Variants in HIBCH observed in about 807,000 individuals in gnomAD.
The protein encoded by HIBCH is 3-hydroxyisobutyryl-CoA hydrolase, mitochondrial.
A neutral mutation model predicts 58.2 loss-of-function variants in HIBCH; 50 were observed. The ratio of observed to expected loss-of-function variants is 0.86; its 90% confidence interval spans 0.68 to 1.09. HIBCH has a LOEUF of 1.09. Among genes scored for constraint, HIBCH ranks in the 50% least tolerant of loss-of-function variants. The pLI, the probability that HIBCH is intolerant of heterozygous loss-of-function variation, is 0.00. For synonymous variants in HIBCH, 151 were observed against 146.9 expected (o/e 1.03, Z -0.20); for missense variants, 450 against 449.7 (o/e 1.00, Z -0.01).
rs975648218 is a variant in HIBCH, at chr2:190,217,399, GCT to G, written c.892-4326_892-4325del. Reference sequence around the variant, plus strand: ...CTTGGGAGGCTGAGGCAGGAGAATAGCTTGAACCCAGGAGATGGAGGTTGCAG... The same window carrying G: ...CTTGGGAGGCTGAGGCAGGAGAATAGTGAACCCAGGAGATGGAGGTTGCAG... On this transcript the variant is annotated intron_variant, in intron 11 of 13. Coordinates refer to ENST00000359678, the MANE Select transcript of HIBCH (RefSeq NM_014362.4). The surrounding 1 kb of genome is among the most constrained non-coding windows in gnomAD (Gnocchi z 4.6). 6.6e-6 allele frequency among the ~76,000 whole-genome samples: 1 copy of G among 152,114 alleles called. No individual in the cohort carries two copies. Among genetic ancestry groups the G allele is most frequent in the Admixed American group, 6.5e-5 (1 of 15,276 alleles).
intron 11 of HIBCH, among the ~76,000 whole-genome samples, chr2:190,222,949 G>T (rs1440029350): frequency 1.3e-5 from 2 of 152,168 alleles, no homozygotes; most frequent in African/African-American, 4.8e-5. Flanking sequence ...CCATAAAAAA[G>T]GATAAGTTCA....
At chr2:190,308,171 G>A (rs1027829838) in intron 2 of HIBCH, among the ~76,000 whole-genome samples, 11 of 152,130 alleles carry the variant, frequency 7.2e-5, no homozygotes, top group African/African-American at 2.7e-4. Context: ...CTTCCTTCCA[G>A]GTGTCTTCTG....
At chr2:190,212,383 C>T (rs1215138435) in intron 12 of HIBCH, among the ~76,000 whole-genome samples, 6 of 152,284 alleles carry the variant, frequency 3.9e-5, no homozygotes, top group African/African-American at 1.4e-4. Flanking sequence ...TAAGGGTCCT[C>T]TGAACATAAA....
Position 190,207,352 on chromosome 2 carries a change from T to A in HIBCH, c.1045+1528A>T, listed in dbSNP as rs535545713. Among the ~76,000 whole-genome samples, 1 of 152,310 alleles carries A rather than the reference T, an allele frequency of 6.6e-6. No individual in the cohort carries two copies. The highest frequency in any genetic ancestry group is 6.5e-5 in the Admixed American group (1 of 15,290). On this transcript the variant is annotated intron_variant, in intron 13 of 13. Coordinates refer to ENST00000359678, the MANE Select transcript of HIBCH (RefSeq NM_014362.4). The surrounding 1 kb of genome is among the most constrained non-coding windows in gnomAD (Gnocchi z 4.5). ...TCAGAGTTCTAGGCTGTAATCCACA[T>A]GCAGCAAGAATTTGCAGAGAATTTG...
chr2:190,288,365 A>G (rs1436292538), intron 5 of HIBCH, among the ~76,000 whole-genome samples: 1 of 151,630 alleles, frequency 6.6e-6, no homozygotes, highest in African/African-American at 2.4e-5. Context: ...AAGAAAAAAG[A>G]CATGTAGAAA....
At chr2:190,219,909 G>T (rs1322030488) in intron 11 of HIBCH, among the ~76,000 whole-genome samples, 3 of 152,196 alleles carry the variant, frequency 2.0e-5, no homozygotes, top group Admixed American at 2.0e-4. Flanking sequence ...GAAGATGAAG[G>T]AGTAGAAATA....
intron 2 of HIBCH, among the ~76,000 whole-genome samples, chr2:190,303,222 T>C (rs1032504359): frequency 2.0e-5 from 3 of 152,178 alleles, no homozygotes; most frequent in Non-Finnish European, 2.9e-5. Flanking sequence ...ATGCATTCTA[T>C]TACAGATACA....
In HIBCH at chr2:190,208,861, G is replaced by C; in HGVS notation, c.1045+19C>G. 1 of 1,608,562 alleles carries C rather than the reference G, an allele frequency of 6.2e-7. No homozygotes were observed. Among genetic ancestry groups the C allele is most frequent in the Non-Finnish European group, 8.5e-7 (1 of 1,175,136 alleles). On this transcript the variant is annotated intron_variant, in intron 13 of 13. Transcript: ENST00000359678. ...AAATCCCATTTCCCCAAAATGGTAA[G>C]TTCCCATTTGCCACTTACCAGCTCT...
chr2:190,294,022 G>GTGTATATATATATATATATA (rs755751586), intron 4 of HIBCH, among the ~76,000 whole-genome samples: 2 of 83,014 alleles, frequency 2.4e-5, no homozygotes, highest in Non-Finnish European at 5.2e-5. Flanking sequence ...TATTTTGTGT[G>GTGTATATATATATATATATA]TATATATATA....
chr2:190,293,388 G>C (rs942424021), intron 4 of HIBCH, among the ~76,000 whole-genome samples: 1 of 152,016 alleles, frequency 6.6e-6, no homozygotes, highest in Non-Finnish European at 1.5e-5. Context: ...GGGAGGTGGA[G>C]GTTGCAGCGA....
chr2:190,227,931 G>C (rs546846230), intron 11 of HIBCH, among the ~76,000 whole-genome samples: 18 of 152,144 alleles, frequency 1.2e-4, no homozygotes, highest in Non-Finnish European at 2.2e-4. Context: ...AGAGAAACAG[G>C]AACACTTTTA....
Position 190,315,481 on chromosome 2 carries a change from C to T in HIBCH, c.35+4235G>A, listed in dbSNP as rs972281158. ...ACAAACCCTCCAGGTGGTTATGATG[C>T]GTGAAGTTTAAATAAACAACTGTCT... On this transcript the variant is annotated intron_variant, in intron 1 of 13. Coordinates refer to ENST00000359678, the MANE Select transcript of HIBCH (RefSeq NM_014362.4). This position sits in a 1 kb window ranked among gnomAD's most constrained non-coding sequence, Gnocchi z 5.4. Among the ~76,000 whole-genome samples the T allele has an allele frequency of 6.6e-6, 1 of 152,122 alleles. No individual in the cohort carries two copies. The highest frequency in any genetic ancestry group is 6.5e-5 in the Admixed American group (1 of 15,280).
At chr2:190,312,059 GAAC>G (rs1275404486) in intron 1 of HIBCH, among the ~76,000 whole-genome samples, 11 of 152,260 alleles carry the variant, frequency 7.2e-5, no homozygotes, top group Admixed American at 6.5e-4. Context: ...ATAAACTTCA[GAAC>G]GGTGTACTCA....
intron 11 of HIBCH, among the ~76,000 whole-genome samples, chr2:190,242,673 G>A (rs1409531001): frequency 6.6e-6 from 1 of 152,184 alleles, no homozygotes; most frequent in Non-Finnish European, 1.5e-5. Context: ...ATGGGTAGTA[G>A]GAGGAGGTAG....
At chr2:190,247,253 T>C (rs1022659035) in intron 9 of HIBCH, among the ~76,000 whole-genome samples, 1 of 152,188 alleles carries the variant, frequency 6.6e-6, no homozygotes, top group African/African-American at 2.4e-5. Flanking sequence ...CCAAATCACT[T>C]GAGAAAAATG....
intron 6 of HIBCH, among the ~76,000 whole-genome samples, chr2:190,275,094 T>C (rs970844839): frequency 6.6e-6 from 1 of 152,160 alleles, no homozygotes; most frequent in Admixed American, 6.6e-5. Context: ...TTAAGAGCAT[T>C]TTGAGAAACA....
intron 11 of HIBCH, among the ~76,000 whole-genome samples, chr2:190,241,333 T>C (rs1686448688): frequency 6.6e-6 from 1 of 152,202 alleles, no homozygotes; most frequent in African/African-American, 2.4e-5. Context: ...TATTCCTCCA[T>C]CCCTTTATTT....
chr2:190,216,735 T>C lies in HIBCH; in HGVS notation c.892-3660A>G, dbSNP rs1299547411. Reference sequence around the variant, plus strand: ...AAAGAGGATGCCAGTTTGCAATCCCTGAAGTAGAGAGAGCTCGTGCTGGGG... The same window carrying C: ...AAAGAGGATGCCAGTTTGCAATCCCCGAAGTAGAGAGAGCTCGTGCTGGGG... On this transcript the variant is annotated intron_variant, in intron 11 of 13. Transcript: ENST00000359678. The surrounding 1 kb of genome is among the most constrained non-coding windows in gnomAD (Gnocchi z 4.2). Among the ~76,000 whole-genome samples the C allele has an allele frequency of 6.6e-6, 1 of 152,224 alleles. No individual in the cohort carries two copies. Among genetic ancestry groups the C allele is most frequent in the African/African-American group, 2.4e-5 (1 of 41,450 alleles).
chr2:190,262,054 T>C (rs1376847644), intron 6 of HIBCH, among the ~76,000 whole-genome samples: 3 of 151,182 alleles, frequency 2.0e-5, no homozygotes. Flanking sequence ...TAAAACACAG[T>C]GCACAGTTGT....
Sources: allele counts gnomAD v4.1 joint callset (sites outside exome capture counted in the v4.1 genomes callset), GRCh38; gene constraint gnomAD v4.1.1; non-coding constraint Gnocchi (gnomAD v3.1); transcripts MANE v1.5; gene names NCBI Gene and HGNC (gene_info 2026-07-23, HGNC 2026-07-21).